VPS13B: variants seen among roughly 807,000 people sequenced by gnomAD.
VPS13B encodes intermembrane lipid transfer protein VPS13B.
In VPS13B, 285 loss-of-function variants were observed where a neutral mutation model predicts 426.4. The observed-to-expected ratio is 0.67, with a 90% confidence interval of 0.61 to 0.74. The LOEUF (loss-of-function observed/expected upper bound fraction) is 0.74, where lower values mean the gene tolerates loss of function less well. Among genes scored for constraint, VPS13B ranks in the 30% least tolerant of loss-of-function variants. The pLI, the probability that VPS13B is intolerant of heterozygous loss-of-function variation, is 0.00. For synonymous variants in VPS13B, 1,676 were observed against 1,676.4 expected, an observed-to-expected ratio of 1.00 and a Z score of 0.01; for missense variants, 4,537 against 4,782.6, an observed-to-expected ratio of 0.95 and a Z score of 1.51.
chr8:99,147,318 G>A (rs1461639823), intron 13 of VPS13B, among the ~76,000 whole-genome samples: 1 of 151,946 alleles, frequency 6.6e-6, no homozygotes, highest in Non-Finnish European at 1.5e-5. Flanking sequence ...TACCATGTTG[G>A]CCAGGCTGGT....
At chr8:99,246,506 A>G (rs1215391216) in intron 17 of VPS13B, among the ~76,000 whole-genome samples, 1 of 152,232 alleles carries the variant, frequency 6.6e-6, no homozygotes, top group African/African-American at 2.4e-5. Context: ...TAAATGCAAC[A>G]GAGACTGTCT....
At chr8:99,737,156 T>A (rs1353199216) in intron 39 of VPS13B, among the ~76,000 whole-genome samples, 1 of 125,374 alleles carries the variant, frequency 8.0e-6, no homozygotes, top group Non-Finnish European at 1.6e-5. Context: ...AGTCTCGCTC[T>A]GTCGCCCAGG....
At chr8:99,435,115 G>C (rs1817303922) in intron 22 of VPS13B, among the ~76,000 whole-genome samples, 2 of 152,180 alleles carry the variant, frequency 1.3e-5, no homozygotes, top group African/African-American at 2.4e-5. Flanking sequence ...TTGAAAGGAT[G>C]CCTAGGGCAT....
chr8:99,483,069 A>G (rs944710639), intron 25 of VPS13B, among the ~76,000 whole-genome samples: 3 of 152,200 alleles, frequency 2.0e-5, no homozygotes, highest in African/African-American at 7.2e-5. Context: ...ATGGGATAAG[A>G]ATCAAGTAAA....
chr8:99,162,795 C>G (rs935812712), intron 15 of VPS13B, among the ~76,000 whole-genome samples: 4 of 152,154 alleles, frequency 2.6e-5, no homozygotes, highest in Non-Finnish European at 5.9e-5. Context: ...AAGAACAAAG[C>G]TTCCACAGTG....
chr8:99,459,169 G>A (rs551915082), intron 23 of VPS13B, among the ~76,000 whole-genome samples: 1 of 152,166 alleles, frequency 6.6e-6, no homozygotes, highest in Admixed American at 6.5e-5. Flanking sequence ...AGATTGTTGC[G>A]TAGGCACTTG....
intron 31 of VPS13B, among the ~76,000 whole-genome samples, chr8:99,566,174 G>GGT (rs1825171151): frequency 6.6e-6 from 1 of 151,974 alleles, no homozygotes; most frequent in Admixed American, 6.6e-5. Flanking sequence ...GATATAACAG[G>GGT]GCAGAGATCC....
intron 19 of VPS13B, among the ~76,000 whole-genome samples, chr8:99,355,388 C>T (rs536185307): frequency 5.3e-5 from 8 of 152,060 alleles, no homozygotes; most frequent in Admixed American, 3.9e-4. Flanking sequence ...GTCAAGAGAT[C>T]GAGACCATCC....
At chr8:99,258,230 A>G (rs771907646) in intron 17 of VPS13B, among the ~76,000 whole-genome samples, 1 of 151,240 alleles carries the variant, frequency 6.6e-6, no homozygotes, top group Non-Finnish European at 1.5e-5. Context: ...TTTTCTTTCC[A>G]TATGTGTTAT....
chr8:99,711,990 C>G (rs1832725429), intron 36 of VPS13B, among the ~76,000 whole-genome samples: 1 of 152,122 alleles, frequency 6.6e-6, no homozygotes, highest in African/African-American at 2.4e-5. Flanking sequence ...TAGATACTGT[C>G]TCATAAGGAC....
Position 99,090,285 on chromosome 8 carries a change from T to C in VPS13B, c.292-6027T>C, listed in dbSNP as rs201100767. 3.1e-4 allele frequency among the ~76,000 whole-genome samples: 47 copies of C among 150,996 alleles called. No individual in the cohort carries two copies. The East Asian group carries it at 8.3e-3, about 27-fold the overall frequency. On this transcript the variant is annotated intron_variant, in intron 3 of 61. Coordinates refer to ENST00000357162, the MANE Select transcript of VPS13B (RefSeq NM_152564.5). ...TCATAAACTTTTTTTTTTTTTTTTT[T>C]CACACAGAGTCTCTCTCTGTCACCC...
intron 17 of VPS13B, among the ~76,000 whole-genome samples, chr8:99,228,915 C>CTG (rs772285517): frequency 4.0e-4 from 61 of 151,320 alleles, no homozygotes; most frequent in East Asian, 3.3e-3. Flanking sequence ...GTGTGTGTGT[C>CTG]TGTGTGTGTG....
At chr8:99,850,824 G>T (rs1816250725) in intron 55 of VPS13B, among the ~76,000 whole-genome samples, 1 of 152,142 alleles carries the variant, frequency 6.6e-6, no homozygotes, top group South Asian at 2.1e-4. Flanking sequence ...TCTTCAAGAG[G>T]CTGAGGCAAG....
rs955899684 is a variant in VPS13B at position 99,496,584 on chromosome 8, G to A, written c.3871-5103G>A. Among the ~76,000 whole-genome samples, 23 of 152,148 alleles carry A rather than the reference G, an allele frequency of 1.5e-4. No individual in the cohort carries two copies. The South Asian group carries it at 4.4e-3, about 29-fold the overall frequency. ...GAGAATGGCGTGAACCCGGGAGGCG[G>A]AGCTTGCAGTGAGCCAAGATCTCGC... On this transcript the variant is annotated intron_variant, in intron 25 of 61. Coordinates refer to ENST00000357162, the MANE Select transcript of VPS13B (RefSeq NM_152564.5).
intron 17 of VPS13B, among the ~76,000 whole-genome samples, chr8:99,239,855 A>T (rs1360538160): frequency 6.6e-6 from 1 of 152,190 alleles, no homozygotes; most frequent in East Asian, 1.9e-4. Context: ...TTAAATAATT[A>T]TAAAGGTTTC....
chr8:99,803,716 A>G (rs1291579929), intron 43 of VPS13B, among the ~76,000 whole-genome samples: 1 of 152,228 alleles, frequency 6.6e-6, no homozygotes, highest in Non-Finnish European at 1.5e-5. Context: ...AATTCCTTGA[A>G]AAAGCAATAA....
intron 19 of VPS13B, among the ~76,000 whole-genome samples, chr8:99,282,897 C>T (rs1035599941): frequency 5.9e-5 from 9 of 152,090 alleles, no homozygotes; most frequent in South Asian, 2.1e-4. Context: ...TTTTACCCAT[C>T]GCACATGGGA....
At chr8:99,188,365 A>G (rs1451651100) in intron 16 of VPS13B, among the ~76,000 whole-genome samples, 1 of 152,166 alleles carries the variant, frequency 6.6e-6, no homozygotes. Flanking sequence ...CTTTCAGTTA[A>G]TGTAATATTT....
intron 8 of VPS13B, among the ~76,000 whole-genome samples, chr8:99,125,975 G>A (rs1848171919): frequency 6.6e-6 from 1 of 151,782 alleles, no homozygotes; most frequent in African/African-American, 2.4e-5. Context: ...TTTGTTTGGT[G>A]ATATGAGTGA....
Sources: gnomAD v4.1 joint callset for allele counts (sites outside exome capture counted in the v4.1 genomes callset) on GRCh38, gnomAD v4.1.1 for gene constraint, MANE v1.5 for transcripts, NCBI Gene and HGNC (gene_info 2026-07-23, HGNC 2026-07-21) for gene names.